The following SPAG16 variants were observed in gnomAD, a reference collection of about 807,000 sequenced individuals.
SPAG16 encodes the protein sperm-associated antigen 16 protein.
In SPAG16, 86 loss-of-function variants were observed where a neutral mutation model predicts 80.4. The observed-to-expected ratio is 1.07, with a 90% confidence interval of 0.90 to 1.28. The LOEUF (loss-of-function observed/expected upper bound fraction) is 1.28, where lower values mean the gene tolerates loss of function less well. Among genes scored for constraint, SPAG16 ranks in the 50% most tolerant of loss-of-function variants. SPAG16 has a pLI of 0.00. For synonymous variants in SPAG16, 294 were observed against 265.9 expected (o/e 1.11, Z -1.03); for missense variants, 870 against 765.3 (o/e 1.14, Z -1.61).
chr2:213,606,851 A>G (rs1180136225), intron 10 of SPAG16, among the ~76,000 whole-genome samples: 1 of 152,212 alleles, frequency 6.6e-6, no homozygotes, highest in African/African-American at 2.4e-5. Flanking sequence ...CAGTCCTACC[A>G]TCTCACCATC....
At chr2:213,289,902 A>G (rs1254854360) in intron 1 of SPAG16, among the ~76,000 whole-genome samples, 1 of 152,230 alleles carries the variant, frequency 6.6e-6, no homozygotes, top group African/African-American at 2.4e-5. Context: ...ACCAGTGTGT[A>G]AGGTACTTTG....
At chr2:213,710,681 TGAGGTACTACTTTCGTG>T (rs1289460676) in intron 10 of SPAG16, among the ~76,000 whole-genome samples, 3 of 152,236 alleles carry the variant, frequency 2.0e-5, no homozygotes, top group Non-Finnish European at 4.4e-5. Flanking sequence ...AGTTTTCCTC[TGAGGTACTACTTTCGTG>T]GCAAAACTTT....
At chr2:213,295,950 A>G in intron 1 of SPAG16, 114 bp from the exon 2 acceptor site, 1 of 782,902 alleles carries the variant, frequency 1.3e-6, no homozygotes, top group South Asian at 1.8e-5. Flanking sequence ...ATATATATTT[A>G]CCAACTTCCT....
At chr2:213,294,679 G>T (rs1478539662) in intron 1 of SPAG16, among the ~76,000 whole-genome samples, 1 of 152,176 alleles carries the variant, frequency 6.6e-6, no homozygotes, top group Non-Finnish European at 1.5e-5. Context: ...AAGTGTCCCT[G>T]CAAGGGATAG....
intron 14 of SPAG16, among the ~76,000 whole-genome samples, chr2:214,135,382 G>C (rs2054993199): frequency 6.6e-6 from 1 of 152,112 alleles, no homozygotes; most frequent in South Asian, 2.1e-4. Context: ...TAATACATGT[G>C]GTACTTGTTG....
At chr2:213,594,177 A>C (rs2060808373) in intron 10 of SPAG16, among the ~76,000 whole-genome samples, 1 of 152,172 alleles carries the variant, frequency 6.6e-6, no homozygotes, top group Admixed American at 6.5e-5. Context: ...GATGTAGGTC[A>C]GACCCTCATC....
intron 6 of SPAG16, among the ~76,000 whole-genome samples, chr2:213,341,428 G>A (rs1218181682): frequency 1.3e-5 from 2 of 152,182 alleles, no homozygotes; most frequent in East Asian, 1.9e-4. Context: ...CATTAATAGT[G>A]TATCCATATT....
At chr2:213,990,208 T>A (rs1264086882) in intron 12 of SPAG16, among the ~76,000 whole-genome samples, 1 of 152,138 alleles carries the variant, frequency 6.6e-6, no homozygotes, top group Admixed American at 6.6e-5. Context: ...TAGAAATGTG[T>A]TTTATATTTA....
chr2:213,677,829 C>G (rs1472246866), intron 10 of SPAG16, among the ~76,000 whole-genome samples: 3 of 152,068 alleles, frequency 2.0e-5, no homozygotes, highest in Non-Finnish European at 4.4e-5. Flanking sequence ...TTTTCAGAAC[C>G]ACACCACACC....
chr2:214,098,903 G>C (rs2052788630), intron 13 of SPAG16, among the ~76,000 whole-genome samples: 1 of 150,522 alleles, frequency 6.6e-6, no homozygotes, highest in Admixed American at 6.6e-5. Context: ...GCTTGTATTG[G>C]TCAATGAGAC....
At chr2:213,332,887 A>G (rs1232251791) in intron 5 of SPAG16, among the ~76,000 whole-genome samples, 1 of 152,052 alleles carries the variant, frequency 6.6e-6, no homozygotes, top group Non-Finnish European at 1.5e-5. Context: ...CACAATAAAC[A>G]CTATATTTGT....
intron 9 of SPAG16, among the ~76,000 whole-genome samples, chr2:213,446,203 T>TGCAC: frequency 6.6e-6 from 1 of 152,216 alleles, no homozygotes; most frequent in Non-Finnish European, 1.5e-5. Flanking sequence ...TATTCTTACC[T>TGCAC]TGAAATAACT....
intron 14 of SPAG16, among the ~76,000 whole-genome samples, chr2:214,142,474 G>A (rs979955100): frequency 1.3e-5 from 2 of 152,178 alleles, no homozygotes; most frequent in Middle Eastern, 3.4e-3. Flanking sequence ...TAAGTAAAAG[G>A]TCTGATCATC....
chr2:213,560,404 C>A (rs1221747771), intron 10 of SPAG16, among the ~76,000 whole-genome samples: 1 of 152,010 alleles, frequency 6.6e-6, no homozygotes, highest in Non-Finnish European at 1.5e-5. Context: ...GCAATTCTAA[C>A]TTGATGAAGA....
intron 15 of SPAG16, chr2:214,239,485 C>G (rs1336929414): frequency 6.6e-6 from 1 of 152,144 alleles, no homozygotes. Context: ...GTAAAGCTCT[C>G]TTCTTTTTCA....
At chr2:213,844,051 TA>T (rs2074491279) in intron 10 of SPAG16, among the ~76,000 whole-genome samples, 1 of 152,164 alleles carries the variant, frequency 6.6e-6, no homozygotes, top group Non-Finnish European at 1.5e-5. Context: ...ATAAGAAAGC[TA>T]AAACCTAAAG....
intron 9 of SPAG16, among the ~76,000 whole-genome samples, chr2:213,459,591 C>T (rs1559153901): frequency 6.6e-6 from 1 of 152,164 alleles, no homozygotes; most frequent in Non-Finnish European, 1.5e-5. Flanking sequence ...ATCACTGGAA[C>T]CCATTTCTTG....
At chr2:214,002,754 G>A (rs2046849750) in intron 12 of SPAG16, among the ~76,000 whole-genome samples, 2 of 152,160 alleles carry the variant, frequency 1.3e-5, no homozygotes, top group African/African-American at 4.8e-5. Flanking sequence ...TGAGCAAAGA[G>A]CAAACTCACC....
intron 10 of SPAG16, among the ~76,000 whole-genome samples, chr2:213,716,035 A>T (rs1384244694): frequency 3.3e-5 from 5 of 152,136 alleles, no homozygotes; most frequent in African/African-American, 9.7e-5. Flanking sequence ...GCCTATAACA[A>T]AGATTTCATG....
Sources: gnomAD v4.1 joint callset for allele counts (sites outside exome capture counted in the v4.1 genomes callset) on GRCh38, gnomAD v4.1.1 for gene constraint, MANE v1.5 for transcripts, NCBI Gene and HGNC (gene_info 2026-07-23, HGNC 2026-07-21) for gene names.